NBPF3: variants seen among roughly 807,000 people sequenced by gnomAD.
NBPF3 encodes the protein NBPF family member NBPF3.
Under a neutral mutation model 78.1 loss-of-function variants are expected in NBPF3, and 57 were observed. That is an observed-to-expected ratio of 0.73 (90% CI 0.59 to 0.91). The LOEUF (loss-of-function observed/expected upper bound fraction) is 0.91. Among genes scored for constraint, NBPF3 ranks in the 40% least tolerant of loss-of-function variants. The pLI is 0.00. For missense variants in NBPF3, 510 were observed against 715.3 expected, an observed-to-expected ratio of 0.71 and a Z score of 3.27; for synonymous variants, 182 against 271.7, an observed-to-expected ratio of 0.67 and a Z score of 3.25.
rs1342320317 is a variant in NBPF3 at position 21,478,139 on chromosome 1, A to G, written c.993-5A>G. The G allele has an allele frequency of 1.2e-6, 2 of 1,613,762 alleles. No individual in the cohort carries two copies. Among genetic ancestry groups the G allele is most frequent in the Non-Finnish European group, 1.7e-6 (2 of 1,180,022 alleles). ...CTGTCATCCCTGTCCTGCCTGGCTC[A>G]TCAGGAATCTGCAGGAGTCTGAAGA... On this transcript the variant is annotated splice_region_variant and splice_polypyrimidine_tract_variant and intron_variant, in intron 8 of 14. Transcript: ENST00000318249.
At chr1:21,470,603 C>A in intron 3 of NBPF3, 29 bp from the exon 4 acceptor site, 2 of 1,546,408 alleles carry the variant, frequency 1.3e-6, no homozygotes, top group Non-Finnish European at 1.8e-6. Flanking sequence ...CAGCCTTTCA[C>A]TGAGGCAGGC....
At chr1:21,451,348 A>T (rs1420484498) in intron 2 of NBPF3, among the ~76,000 whole-genome samples, 3 of 152,246 alleles carry the variant, frequency 2.0e-5, no homozygotes, top group African/African-American at 7.2e-5. Flanking sequence ...CTTAGGAATG[A>T]CTGAGTCATA....
chr1:21,454,480 A>G (rs1641487120), intron 2 of NBPF3, among the ~76,000 whole-genome samples: 2 of 152,160 alleles, frequency 1.3e-5, no homozygotes, highest in South Asian at 4.1e-4. Context: ...TCACAAGTGT[A>G]TCCTGGAAAT....
intron 2 of NBPF3, chr1:21,466,852 C>T: frequency 9.8e-6 from 3 of 307,546 alleles, no homozygotes; most frequent in Non-Finnish European, 1.4e-5. Flanking sequence ...GATACAATGT[C>T]CAAATGTAAG....
intron 2 of NBPF3, among the ~76,000 whole-genome samples, chr1:21,449,346 G>A (rs1016245557): frequency 2.6e-5 from 4 of 152,186 alleles, no homozygotes; most frequent in African/African-American, 9.6e-5. Flanking sequence ...ACTGGTATTT[G>A]CTACCAAACC....
chr1:21,480,691 G>A (rs1296417200), intron 11 of NBPF3, among the ~76,000 whole-genome samples: 2 of 152,312 alleles, frequency 1.3e-5, no homozygotes, highest in Non-Finnish European at 2.9e-5. Flanking sequence ...ACAAACTTGG[G>A]ATAAATGATT....
chr1:21,445,354 C>T lies in NBPF3; in HGVS notation c.133+135C>T, dbSNP rs1264580399. The T allele has an allele frequency of 4.9e-6, 5 of 1,021,446 alleles. No individual in the cohort carries two copies. In the Admixed American group the frequency reaches 8.2e-5, roughly 17 times the overall value. The allele number at this position is 1,021,446 out of a possible 1,614,324, so 63.3% of individuals were successfully genotyped here. A position where few individuals can be genotyped will look rare whatever the true frequency, so the allele number is the denominator to read the frequency against. Reference sequence around the variant, plus strand: ...CCTGGCATGAAACAGATATTAAATACGTATTTGTTAAATGAATGAACAAAT... The same window carrying T: ...CCTGGCATGAAACAGATATTAAATATGTATTTGTTAAATGAATGAACAAAT... On this transcript the variant is annotated intron_variant, in intron 2 of 14. Transcript: ENST00000318249.
At chr1:21,453,321 C>T (rs1481064983) in intron 2 of NBPF3, 1 of 152,208 alleles carries the variant, frequency 6.6e-6, no homozygotes, top group Non-Finnish European at 1.5e-5. Context: ...CACTCTTCCA[C>T]AGCCCCAGTT....
upstream of NBPF3, chr1:21,437,630 G>A (rs1364500822): frequency 7.9e-6 from 3 of 378,718 alleles, no homozygotes; most frequent in Non-Finnish European, 1.4e-5. Flanking sequence ...CACTAATATG[G>A]TCGCCACTAG....
At chr1:21,461,716 G>T (rs796373444) in intron 2 of NBPF3, among the ~76,000 whole-genome samples, 4 of 152,286 alleles carry the variant, frequency 2.6e-5, no homozygotes, top group African/African-American at 9.6e-5. Context: ...GCCCGCCTCA[G>T]CCTTGCAAAG....
At chr1:21,458,716 AACAG>A (rs1641777161) in intron 2 of NBPF3, among the ~76,000 whole-genome samples, 3 of 152,236 alleles carry the variant, frequency 2.0e-5, no homozygotes, top group Admixed American at 2.0e-4. Flanking sequence ...TAAAAATGGA[AACAG>A]ACCTGAAGTG....
At chr1:21,467,161 C>G in intron 2 of NBPF3, 1 of 985,360 alleles carries the variant, frequency 1.0e-6, no homozygotes, top group Non-Finnish European at 1.2e-6. Flanking sequence ...GTTGATACGT[C>G]TTAAAGCGGT....
upstream of NBPF3, chr1:21,437,408 T>A: frequency 9.0e-7 from 1 of 1,115,252 alleles, no homozygotes; most frequent in Non-Finnish European, 1.2e-6. Context: ...ATCCTGGCTC[T>A]CAAACGTAGG....
chr1:21,446,827 C>G (rs1641016502), intron 2 of NBPF3, among the ~76,000 whole-genome samples: 1 of 152,230 alleles, frequency 6.6e-6, no homozygotes, highest in South Asian at 2.1e-4. Flanking sequence ...TCAGTGGTTT[C>G]TAGTCTTCAC....
intron 2 of NBPF3, among the ~76,000 whole-genome samples, chr1:21,455,362 A>G (rs1257263474): frequency 6.6e-6 from 1 of 152,234 alleles, no homozygotes; most frequent in Non-Finnish European, 1.5e-5. Flanking sequence ...TATAAGAGCA[A>G]AGATCACTGA....
intron 9 of NBPF3, among the ~76,000 whole-genome samples, chr1:21,479,144 G>A (rs903606784): frequency 2.6e-5 from 4 of 152,148 alleles, no homozygotes; most frequent in Admixed American, 6.5e-5. Context: ...TTCCAAAACA[G>A]GGGCATTTTG....
At chr1:21,438,257 C>T (rs963916913), upstream of NBPF3, among the ~76,000 whole-genome samples, 4 of 151,976 alleles carry the variant, frequency 2.6e-5, no homozygotes, top group East Asian at 1.9e-4. Context: ...GAATTACAGG[C>T]GTGCACCACC....
intron 2 of NBPF3, among the ~76,000 whole-genome samples, chr1:21,451,112 C>G (rs7527663): frequency 0.12 from 17,560 of 152,196 alleles, 1,359 homozygotes; most frequent in South Asian, 0.32. Context: ...CATATGGCTT[C>G]TGTTGCACTC....
intron 2 of NBPF3, among the ~76,000 whole-genome samples, chr1:21,457,354 A>ATATATATGTATG (rs1641669489): frequency 2.1e-5 from 3 of 145,696 alleles, no homozygotes; most frequent in Non-Finnish European, 4.6e-5. Flanking sequence ...GTGTGTATAT[A>ATATATATGTATG]TATATATATG....
Sources: gnomAD v4.1 joint callset for allele counts (sites outside exome capture counted in the v4.1 genomes callset) on GRCh38, gnomAD v4.1.1 for gene constraint, MANE v1.5 for transcripts, NCBI Gene and HGNC (gene_info 2026-07-23, HGNC 2026-07-21) for gene names.